Variants in CDC42BPA observed in about 807,000 individuals in gnomAD.
The protein encoded by CDC42BPA is serine/threonine-protein kinase MRCK alpha.
In CDC42BPA, 80 loss-of-function variants were observed where a neutral mutation model predicts 223.5. The observed-to-expected ratio is 0.36, with a 90% CI of 0.30 to 0.43. The LOEUF is 0.43. CDC42BPA is among the 20% of genes least tolerant of loss of function. The probability of loss-of-function intolerance (pLI) is 1.00; values close to 1 mark genes in which losing one functional copy is unlikely to be tolerated. For missense variants in CDC42BPA, 1,743 were observed against 2,099.9 expected (o/e 0.83, Z 3.32); for synonymous variants, 694 against 718.6 (o/e 0.97, Z 0.55).
chr1:227,307,161 A>G (rs545710926), intron 1 of CDC42BPA, among the ~76,000 whole-genome samples: 9 of 152,338 alleles, frequency 5.9e-5, no homozygotes, highest in African/African-American at 2.2e-4. Context: ...GTGCACATAT[A>G]AACTCCTCGA....
intron 5 of CDC42BPA, among the ~76,000 whole-genome samples, chr1:227,180,877 T>C (rs1667816586): frequency 1.3e-5 from 2 of 152,070 alleles, no homozygotes; most frequent in Admixed American, 6.5e-5. Context: ...AGTCTAGTGC[T>C]GAGTTTAAAC....
At chr1:227,136,841 A>C (rs1185622199) in intron 10 of CDC42BPA, among the ~76,000 whole-genome samples, 1 of 152,226 alleles carries the variant, frequency 6.6e-6, no homozygotes, top group East Asian at 1.9e-4. Context: ...TTTTCAGATC[A>C]ACAAAATCCT....
chr1:227,155,679 G>A (rs1397106320), intron 6 of CDC42BPA, among the ~76,000 whole-genome samples: 2 of 152,060 alleles, frequency 1.3e-5, no homozygotes, highest in Non-Finnish European at 2.9e-5. Flanking sequence ...CAATTACACG[G>A]GAAATTAAGC....
chr1:227,196,338 C>CTTTTTTTTTTTTTTATTTTTTTT (rs1670688852), intron 4 of CDC42BPA, among the ~76,000 whole-genome samples: 1 of 92,352 alleles, frequency 1.1e-5, no homozygotes, highest in African/African-American at 4.7e-5. Flanking sequence ...TTAAACAATA[C>CTTTTTTTTTTTTTTATTTTTTTT]TTTTTTTTTT....
intron 17 of CDC42BPA, among the ~76,000 whole-genome samples, chr1:227,077,499 C>G (rs937527888): frequency 2.0e-5 from 3 of 152,132 alleles, no homozygotes. Context: ...CCTGGTTCTC[C>G]TCTACAGAGC....
At chr1:227,180,241 G>T (rs1374159181) in intron 5 of CDC42BPA, among the ~76,000 whole-genome samples, 1 of 152,006 alleles carries the variant, frequency 6.6e-6, no homozygotes, top group Non-Finnish European at 1.5e-5. Context: ...TGCCTTTGAA[G>T]GGTTTAAAAT....
At chr1:227,217,993 A>G (rs1412315421) in intron 2 of CDC42BPA, among the ~76,000 whole-genome samples, 1 of 152,182 alleles carries the variant, frequency 6.6e-6, no homozygotes, top group African/African-American at 2.4e-5. Context: ...TAAGCTAATG[A>G]GGGCAGGGAT....
At chr1:227,100,747 A>AGTGTGTGTGTGT (rs57210205) in intron 15 of CDC42BPA, among the ~76,000 whole-genome samples, 8,081 of 137,254 alleles carry the variant, frequency 0.059, 286 homozygotes, top group Admixed American at 0.09. Flanking sequence ...ATACCCAGCT[A>AGTGTGTGTGTGT]GTGTGTGTGT....
intron 4 of CDC42BPA, among the ~76,000 whole-genome samples, chr1:227,194,562 G>A (rs1670350125): frequency 1.3e-5 from 2 of 152,076 alleles, no homozygotes; most frequent in Non-Finnish European, 2.9e-5. Context: ...TTTTAGATAT[G>A]GATCCTTATG....
chr1:227,275,782 T>C (rs1196242331), intron 1 of CDC42BPA, among the ~76,000 whole-genome samples: 1 of 152,164 alleles, frequency 6.6e-6, no homozygotes, highest in Non-Finnish European at 1.5e-5. Flanking sequence ...TTTGTATTTT[T>C]TGGTGGAGAA....
intron 1 of CDC42BPA, among the ~76,000 whole-genome samples, chr1:227,289,884 T>C (rs1689408380): frequency 2.3e-5 from 1 of 43,076 alleles, no homozygotes; most frequent in African/African-American, 8.5e-5. Flanking sequence ...AGACCCTGTC[T>C]CTACAAAAAA....
chr1:227,292,215 T>C (rs1235033169), intron 1 of CDC42BPA, among the ~76,000 whole-genome samples: 2 of 152,106 alleles, frequency 1.3e-5, no homozygotes, highest in African/African-American at 2.4e-5. Context: ...ACTCCTGACC[T>C]AGTGATCCGC....
chr1:227,227,452 A>G (rs1677053862), intron 2 of CDC42BPA, among the ~76,000 whole-genome samples: 1 of 152,232 alleles, frequency 6.6e-6, no homozygotes, highest in Admixed American at 6.5e-5. Flanking sequence ...ATTCATATGA[A>G]AAAACAAAAA....
intron 1 of CDC42BPA, among the ~76,000 whole-genome samples, chr1:227,266,684 A>T (rs1306529922): frequency 6.6e-6 from 1 of 152,156 alleles, no homozygotes; most frequent in Non-Finnish European, 1.5e-5. Context: ...ACTTTTTCTC[A>T]ATTAGGCTAT....
At chr1:227,278,941 C>A (rs571460814) in intron 1 of CDC42BPA, among the ~76,000 whole-genome samples, 5 of 151,238 alleles carry the variant, frequency 3.3e-5, no homozygotes, top group African/African-American at 1.2e-4. Context: ...AAGTTACATT[C>A]TTTTCTTCAG....
At chr1:227,100,593 G>GTTTC (rs10608941) in intron 15 of CDC42BPA, among the ~76,000 whole-genome samples, 6 of 151,458 alleles carry the variant, frequency 4.0e-5, no homozygotes, top group Admixed American at 3.3e-4. Flanking sequence ...GAAGTTTATC[G>GTTTC]TTTCTTTCTT....
chr1:227,286,384 G>A (rs1439170762), intron 1 of CDC42BPA, among the ~76,000 whole-genome samples: 1 of 152,172 alleles, frequency 6.6e-6, no homozygotes, highest in Non-Finnish European at 1.5e-5. Flanking sequence ...TGGACACAAT[G>A]CAGTCAAGTT....
At chr1:227,128,471 T>C (rs1340949932) in intron 11 of CDC42BPA, among the ~76,000 whole-genome samples, 2 of 152,236 alleles carry the variant, frequency 1.3e-5, no homozygotes, top group East Asian at 3.8e-4. Context: ...TTCTGTCCTT[T>C]ACCCAGGCCA....
intron 5 of CDC42BPA, among the ~76,000 whole-genome samples, chr1:227,169,748 T>A (rs1331688993): frequency 6.6e-6 from 1 of 152,196 alleles, no homozygotes; most frequent in African/African-American, 2.4e-5. Flanking sequence ...TGAGGATGTA[T>A]TCCCAATCAG....
Sources: allele counts gnomAD v4.1 joint callset (sites outside exome capture counted in the v4.1 genomes callset), GRCh38; gene constraint gnomAD v4.1.1; transcripts MANE v1.5; gene names NCBI Gene and HGNC (gene_info 2026-07-23, HGNC 2026-07-21).